MYO9A: variants seen among roughly 807,000 people sequenced by gnomAD.
The protein encoded by MYO9A is unconventional myosin-IXa.
A neutral mutation model predicts 293.3 loss-of-function variants in MYO9A; 103 were observed. That is an observed-to-expected ratio of 0.35 (90% CI 0.30 to 0.41). The LOEUF is 0.41. Among genes scored for constraint, MYO9A ranks in the 10% least tolerant of loss-of-function variants. The pLI is 1.00. For missense variants in MYO9A, 2,685 were observed against 3,033.0 expected (o/e 0.89, Z 2.69); for synonymous variants, 1,001 against 1,035.7 (o/e 0.97, Z 0.64).
chr15:71,954,894 T>C (rs2059142832), intron 14 of MYO9A, among the ~76,000 whole-genome samples: 1 of 152,224 alleles, frequency 6.6e-6, no homozygotes. Context: ...TAATGTCAAT[T>C]CAAAGGCCTT....
intron 33 of MYO9A, 148 bp downstream of exon 33, chr15:71,862,352 A>C (rs2056170111): frequency 1.6e-6 from 1 of 628,944 alleles, no homozygotes; most frequent in African/African-American, 1.9e-5. Flanking sequence ...TTAGAGACAA[A>C]GAGTAGGTGA....
intron 1 of MYO9A, among the ~76,000 whole-genome samples, chr15:72,105,522 T>TTTG (rs2080536016): frequency 6.7e-6 from 1 of 150,288 alleles, no homozygotes; most frequent in Non-Finnish European, 1.5e-5. Context: ...TTTTTTTTTT[T>TTTG]TTTTGAGACA....
chr15:71,977,368 C>T (rs1172971008), intron 12 of MYO9A, among the ~76,000 whole-genome samples: 1 of 152,092 alleles, frequency 6.6e-6, no homozygotes, highest in East Asian at 1.9e-4. Flanking sequence ...TCCTAAGTAG[C>T]TGGGATTACA....
At chr15:72,078,852 A>G (rs2079450605) in intron 1 of MYO9A, among the ~76,000 whole-genome samples, 1 of 152,214 alleles carries the variant, frequency 6.6e-6, no homozygotes, top group African/African-American at 2.4e-5. Flanking sequence ...TTAAATATAC[A>G]TTGCTAAGTA....
At chr15:72,026,653 A>T (rs2149324750) in intron 4 of MYO9A, among the ~76,000 whole-genome samples, 1 of 152,262 alleles carries the variant, frequency 6.6e-6, no homozygotes, top group African/African-American at 2.4e-5. Flanking sequence ...CAATGAAACT[A>T]AAGATCGGTT....
chr15:71,990,655 G>A (rs941851106), intron 11 of MYO9A, among the ~76,000 whole-genome samples: 1 of 151,780 alleles, frequency 6.6e-6, no homozygotes, highest in Non-Finnish European at 1.5e-5. Flanking sequence ...ACTCGGGGAG[G>A]CTGAGCCAGG....
intron 2 of MYO9A, among the ~76,000 whole-genome samples, chr15:72,034,500 C>G (rs1324913376): frequency 6.6e-6 from 1 of 152,136 alleles, no homozygotes; most frequent in Non-Finnish European, 1.5e-5. Context: ...TGGAAAAGAG[C>G]CCAGGCTCTC....
At chr15:71,985,783 G>T (rs557970709) in intron 11 of MYO9A, among the ~76,000 whole-genome samples, 2 of 152,272 alleles carry the variant, frequency 1.3e-5, no homozygotes, top group South Asian at 4.2e-4. Flanking sequence ...ATATGTTGTT[G>T]AAGTTTTTTG....
chr15:72,105,137 T>A (rs2080521990), intron 1 of MYO9A, among the ~76,000 whole-genome samples: 1 of 152,198 alleles, frequency 6.6e-6, no homozygotes, highest in Non-Finnish European at 1.5e-5. Flanking sequence ...AGAACAAAGA[T>A]ACCTCTGAAA....
Position 71,823,695 on chromosome 15 carries a change from G to A in MYO9A, c.*2885C>T, listed in dbSNP as rs1045934003. On this transcript the variant is annotated 3_prime_UTR_variant, in exon 42 of 42. Coordinates refer to ENST00000356056, the MANE Select transcript of MYO9A (RefSeq NM_006901.4). The stretch of plus-strand genomic sequence containing the variant: ...TAATAAGTACATACTAAATTACAGG[G>A]ATACATTCACTTTAATGGGCAGAGT... The A allele has an allele frequency of 6.6e-6, 1 of 152,180 alleles. No individual in the cohort carries two copies. Among genetic ancestry groups the A allele is most frequent in the Non-Finnish European group, 1.5e-5 (1 of 68,046 alleles). 9.4% of individuals were successfully genotyped at this position (152,180 alleles called of 1,614,324 possible).
intron 12 of MYO9A, among the ~76,000 whole-genome samples, chr15:71,974,840 C>G (rs2076097162): frequency 6.6e-6 from 1 of 152,202 alleles, no homozygotes; most frequent in South Asian, 2.1e-4. Flanking sequence ...GAGTTGTTGT[C>G]TGCAATCTAA....
At chr15:71,852,281 G>A in intron 35 of MYO9A, 21 bp from the exon 36 acceptor site, 1 of 1,568,794 alleles carries the variant, frequency 6.4e-7, no homozygotes. Flanking sequence ...ACAAGAGTTA[G>A]ATTAACAGAG....
chr15:71,831,711 CA>C (rs2054735216), intron 39 of MYO9A, among the ~76,000 whole-genome samples: 1 of 151,976 alleles, frequency 6.6e-6, no homozygotes, highest in East Asian at 1.9e-4. Flanking sequence ...ATCTAGGCCT[CA>C]AAATATTTTA....
chr15:71,951,939 GAA>G, intron 14 of MYO9A, 43 bp from the exon 15 acceptor site: 1 of 1,547,346 alleles, frequency 6.5e-7, no homozygotes, highest in South Asian at 1.3e-5. Context: ...AAGGAGAAAA[GAA>G]AAAGACATTA....
intron 16 of MYO9A, among the ~76,000 whole-genome samples, chr15:71,936,642 A>C (rs951511650): frequency 1.3e-5 from 2 of 152,126 alleles, no homozygotes; most frequent in Non-Finnish European, 2.9e-5. Flanking sequence ...TTTTTAAAAG[A>C]AGTATCAGGA....
intron 39 of MYO9A, among the ~76,000 whole-genome samples, chr15:71,836,067 T>C (rs2054928416): frequency 6.6e-6 from 1 of 151,942 alleles, no homozygotes. Flanking sequence ...AGAACCTGTG[T>C]TCATCAAAAA....
At chr15:71,994,316 G>C (rs936095688) in intron 10 of MYO9A, among the ~76,000 whole-genome samples, 153 bp downstream of exon 10, 55 of 152,266 alleles carry the variant, frequency 3.6e-4, no homozygotes, top group African/African-American at 1.3e-3. Flanking sequence ...AAGACACACA[G>C]AACAATTCTT....
rs33914430 is a variant in MYO9A, at chr15:72,028,218, AATATAT to A, written c.936-431_936-426del. Among the ~76,000 whole-genome samples the A allele has an allele frequency of 3.0e-5, 4 of 134,244 alleles. No homozygotes were observed. The South Asian group carries it at 7.1e-4, about 24-fold the overall frequency. 88.1% of individuals were successfully genotyped at this position (134,244 alleles called of 152,430 possible). On this transcript the variant is annotated intron_variant, in intron 3 of 41. Transcript: ENST00000356056. ...TCTCAAAAAAATAAATAAATAAATA[AATATAT>A]ATATATATATATATAAATATATATA...
chr15:71,986,588 T>C (rs1427446847), intron 11 of MYO9A, among the ~76,000 whole-genome samples: 5 of 152,206 alleles, frequency 3.3e-5, no homozygotes, highest in Middle Eastern at 3.2e-3. Context: ...TATGCTAATA[T>C]GCTATGGTAA....
Sources: gnomAD v4.1 joint callset for allele counts (sites outside exome capture counted in the v4.1 genomes callset) on GRCh38, gnomAD v4.1.1 for gene constraint, MANE v1.5 for transcripts, NCBI Gene and HGNC (gene_info 2026-07-23, HGNC 2026-07-21) for gene names.